Variants in PTPRT observed in about 807,000 individuals in gnomAD.
The protein encoded by PTPRT is receptor-type tyrosine-protein phosphatase T.
Under a neutral mutation model 176.8 loss-of-function variants are expected in PTPRT, and 56 were observed. That is an observed-to-expected ratio of 0.32 (90% confidence interval 0.26 to 0.40). The LOEUF (loss-of-function observed/expected upper bound fraction) is 0.40, where lower values mean the gene tolerates loss of function less well. Ranked by LOEUF, PTPRT falls within the 10% of genes least tolerant of loss-of-function variation. PTPRT has a pLI of 1.00. For synonymous variants in PTPRT, 783 were observed against 739.0 expected, an observed-to-expected ratio of 1.06 and a Z score of -0.96; for missense variants, 1,540 against 1,908.2, an observed-to-expected ratio of 0.81 and a Z score of 3.60.
At chr20:42,801,742 G>T (rs2077533679) in intron 2 of PTPRT, among the ~76,000 whole-genome samples, 1 of 152,196 alleles carries the variant, frequency 6.6e-6, no homozygotes, top group Non-Finnish European at 1.5e-5. Context: ...GTAGGCTGAG[G>T]TCTAAGTTAT....
chr20:43,173,395 C>G (rs1258231825), intron 1 of PTPRT, among the ~76,000 whole-genome samples: 1 of 152,218 alleles, frequency 6.6e-6, no homozygotes, highest in Non-Finnish European at 1.5e-5. Context: ...ATCTCAGAAT[C>G]AGAGATTCTT....
chr20:42,745,239 C>T (rs566079667), intron 6 of PTPRT, among the ~76,000 whole-genome samples: 11 of 152,312 alleles, frequency 7.2e-5, no homozygotes, highest in Admixed American at 1.3e-4. Context: ...GCCTTCCCAT[C>T]CATACAGCTC....
At chr20:42,959,404 A>C (rs1981857852) in intron 1 of PTPRT, among the ~76,000 whole-genome samples, 2 of 152,230 alleles carry the variant, frequency 1.3e-5, no homozygotes, top group African/African-American at 4.8e-5. Context: ...GGAGAAGAAA[A>C]GAAAACCAGA....
intron 1 of PTPRT, chr20:42,969,308 G>C (rs1307473666): frequency 6.6e-6 from 1 of 152,100 alleles, no homozygotes; most frequent in Non-Finnish European, 1.5e-5. Flanking sequence ...GAAAATGCTG[G>C]TGCAAGTCAG....
intron 2 of PTPRT, among the ~76,000 whole-genome samples, chr20:42,795,149 G>A (rs1162371718): frequency 6.6e-6 from 1 of 150,814 alleles, no homozygotes; most frequent in East Asian, 2.0e-4. Context: ...ACAAGAAAGA[G>A]AAAGACTGTA....
chr20:42,399,583 C>T (rs1178532218), intron 9 of PTPRT, among the ~76,000 whole-genome samples: 1 of 152,180 alleles, frequency 6.6e-6, no homozygotes, highest in Non-Finnish European at 1.5e-5. Context: ...GGACTAATAA[C>T]TCTTTTGGTA....
chr20:43,043,856 A>C (rs1447822795), intron 1 of PTPRT, among the ~76,000 whole-genome samples: 1 of 152,150 alleles, frequency 6.6e-6, no homozygotes, highest in Non-Finnish European at 1.5e-5. Context: ...TTTTTAATAA[A>C]GTGCTTTCAC....
intron 7 of PTPRT, among the ~76,000 whole-genome samples, chr20:42,660,458 A>G (rs1318629629): frequency 6.6e-6 from 1 of 152,186 alleles, no homozygotes; most frequent in East Asian, 1.9e-4. Flanking sequence ...TTCCCTTTAT[A>G]CCAAAGACCA....
chr20:42,097,760 A>G (rs751135682), intron 27 of PTPRT, among the ~76,000 whole-genome samples: 14 of 152,240 alleles, frequency 9.2e-5, no homozygotes, highest in Non-Finnish European at 4.4e-5. Flanking sequence ...GGTTTTTAAA[A>G]ATCTGAAGGA....
chr20:42,048,670 C>T, the PTPRT span, among the ~76,000 whole-genome samples: 1 of 152,144 alleles, frequency 6.6e-6, no homozygotes, highest in Non-Finnish European at 1.5e-5. Flanking sequence ...GGCCCCTAGC[C>T]ATTAAGTCCT....
At chr20:42,104,038 T>G (rs1471511023) in intron 25 of PTPRT, among the ~76,000 whole-genome samples, 1 of 152,242 alleles carries the variant, frequency 6.6e-6, no homozygotes, top group Non-Finnish European at 1.5e-5. Flanking sequence ...TGTTACGGAC[T>G]AAATGTTTTC....
intron 9 of PTPRT, among the ~76,000 whole-genome samples, chr20:42,424,972 A>G (rs2059150121): frequency 6.6e-6 from 1 of 151,772 alleles, no homozygotes; most frequent in African/African-American, 2.4e-5. Context: ...AAAACAAGAA[A>G]TGCTTTTTGT....
intron 1 of PTPRT, among the ~76,000 whole-genome samples, chr20:43,014,873 G>C (rs1049245131): frequency 6.6e-6 from 1 of 152,162 alleles, no homozygotes; most frequent in Non-Finnish European, 1.5e-5. Context: ...TGGGGGCCTA[G>C]ATAAGCATTT....
intron 1 of PTPRT, among the ~76,000 whole-genome samples, chr20:43,082,586 T>C (rs6065574): frequency 0.62 from 94,438 of 151,878 alleles, 30,010 homozygotes; most frequent in East Asian, 0.83. Context: ...TGGTTATGGG[T>C]CACTCCCTCC....
chr20:42,696,201 T>C (rs1299587611), intron 6 of PTPRT, among the ~76,000 whole-genome samples: 1 of 150,718 alleles, frequency 6.6e-6, no homozygotes, highest in Non-Finnish European at 1.5e-5. Context: ...CATCTCTCTC[T>C]TTCTCCTTCT....
At chr20:42,730,814 T>C (rs1303628092) in intron 6 of PTPRT, among the ~76,000 whole-genome samples, 1 of 152,136 alleles carries the variant, frequency 6.6e-6, no homozygotes. Flanking sequence ...TAACCTCAGT[T>C]TGGGGGCAAT....
At chr20:42,852,752 C>T (rs1314752303) in intron 2 of PTPRT, among the ~76,000 whole-genome samples, 7 of 152,164 alleles carry the variant, frequency 4.6e-5, no homozygotes, top group Non-Finnish European at 1.5e-5. Flanking sequence ...TATCAACATG[C>T]CTTCTAGTTA....
chr20:42,881,748 A>AAAAAAG (rs2079015135), intron 2 of PTPRT, among the ~76,000 whole-genome samples: 2 of 148,426 alleles, frequency 1.3e-5, no homozygotes, highest in African/African-American at 5.1e-5. Context: ...AAAAAAAAAA[A>AAAAAAG]AGAGAGAGAG....
chr20:42,488,614 T>G (rs1286101680), intron 7 of PTPRT, among the ~76,000 whole-genome samples: 1 of 151,038 alleles, frequency 6.6e-6, no homozygotes, highest in African/African-American at 2.4e-5. Context: ...ATTCTAGGGG[T>G]TTTTTTTGTT....
Sources: allele counts gnomAD v4.1 joint callset (sites outside exome capture counted in the v4.1 genomes callset), GRCh38; gene constraint gnomAD v4.1.1; transcripts MANE v1.5; gene names NCBI Gene and HGNC (gene_info 2026-07-23, HGNC 2026-07-21).